The following CSGALNACT1 variants were observed in gnomAD, a reference collection of about 807,000 sequenced individuals.
The protein encoded by CSGALNACT1 is chondroitin sulfate N-acetylgalactosaminyltransferase 1.
A neutral mutation model predicts 51.0 loss-of-function variants in CSGALNACT1; 52 were observed. The observed-to-expected ratio is 1.02, with a 90% CI of 0.82 to 1.29. The LOEUF is 1.29. Among genes scored for constraint, CSGALNACT1 ranks in the 50% most tolerant of loss-of-function variants. CSGALNACT1 has a pLI of 0.00. For missense variants in CSGALNACT1, 935 were observed against 679.2 expected, an observed-to-expected ratio of 1.38 and a Z score of -4.19; for synonymous variants, 341 against 254.4, an observed-to-expected ratio of 1.34 and a Z score of -3.24.
intron 9 of CSGALNACT1, 45 bp from the exon 9 acceptor site, chr8:19,406,114 T>C: frequency 6.2e-7 from 1 of 1,611,866 alleles, no homozygotes. Context: ...CACTGATCTG[T>C]TTTGCTTCCC....
chr8:19,473,337 A>G (rs193126009), intron 4 of CSGALNACT1, among the ~76,000 whole-genome samples: 89 of 152,268 alleles, frequency 5.8e-4, no homozygotes, highest in African/African-American at 2.1e-3. Context: ...GCCCTTTGTC[A>G]CTTACCATGA....
chr8:19,571,502 G>C (rs1281853201), intron 3 of CSGALNACT1, among the ~76,000 whole-genome samples: 1 of 151,644 alleles, frequency 6.6e-6, no homozygotes, highest in Non-Finnish European at 1.5e-5. Flanking sequence ...CAGGGAAAGA[G>C]TCGCTGTCAG....
intron 8 of CSGALNACT1, among the ~76,000 whole-genome samples, chr8:19,415,620 A>C (rs2056717438): frequency 1.3e-5 from 2 of 152,232 alleles, no homozygotes; most frequent in African/African-American, 4.8e-5. Flanking sequence ...TGCAGGAATA[A>C]TAATACAAAG....
At chr8:19,524,719 G>A (rs2154038912) in intron 3 of CSGALNACT1, among the ~76,000 whole-genome samples, 1 of 152,224 alleles carries the variant, frequency 6.6e-6, no homozygotes, top group Middle Eastern at 3.4e-3. Flanking sequence ...AATGTGATAA[G>A]GTTTGTAAGC....
exon 4 of CSGALNACT1, chr8:19,506,109 G>T (rs1253222142): frequency 3.2e-6 from 2 of 631,752 alleles, no homozygotes; most frequent in Middle Eastern, 4.2e-4. Flanking sequence ...TTCCTGATGT[G>T]CAGCCAACAG....
chr8:19,611,096 G>A (rs2052194541), intron 1 of CSGALNACT1, among the ~76,000 whole-genome samples: 2 of 152,328 alleles, frequency 1.3e-5, no homozygotes, highest in South Asian at 2.1e-4. Context: ...GAAAAACAAG[G>A]CATAGTTAAA....
Position 19,596,424 on chromosome 8 carries a change from T to C in CSGALNACT1, c.-415-5146A>G, listed in dbSNP as rs150330161. Among the ~76,000 whole-genome samples, 65 of 152,246 alleles carry C rather than the reference T, an allele frequency of 4.3e-4. No individual in the cohort carries two copies. The East Asian group carries it at 0.011, about 27-fold the overall frequency. The stretch of plus-strand genomic sequence containing the variant: ...CCTGGAGTGTGTCACGCCCTCTGCT[T>C]GTGACAGAACAAACATTTCTGCTCT... On this transcript the variant is annotated intron_variant, in intron 2 of 9. Coordinates refer to ENST00000454498, the Ensembl canonical transcript of CSGALNACT1.
At chr8:19,663,110 C>G (rs2058900523) in intron 1 of CSGALNACT1, among the ~76,000 whole-genome samples, 1 of 152,120 alleles carries the variant, frequency 6.6e-6, no homozygotes, top group Non-Finnish European at 1.5e-5. Context: ...TCCACAATGC[C>G]CCAGATCCCT....
chr8:19,523,071 A>G (rs888699598), intron 3 of CSGALNACT1, among the ~76,000 whole-genome samples: 2 of 152,300 alleles, frequency 1.3e-5, no homozygotes, highest in East Asian at 1.9e-4. Context: ...AATTGCGGAC[A>G]TTACCACCAC....
At chr8:19,454,901 G>A (rs547553680) in intron 5 of CSGALNACT1, among the ~76,000 whole-genome samples, 1 of 152,100 alleles carries the variant, frequency 6.6e-6, no homozygotes, top group African/African-American at 2.4e-5. Flanking sequence ...TTTTCTTAAA[G>A]TTCAGCAAAT....
At chr8:19,616,715 T>A (rs1453171765) in intron 1 of CSGALNACT1, among the ~76,000 whole-genome samples, 1 of 152,086 alleles carries the variant, frequency 6.6e-6, no homozygotes, top group Admixed American at 6.6e-5. Context: ...ACTCTCACCA[T>A]GTGATGTATC....
chr8:19,597,542 G>C (rs111442163), intron 2 of CSGALNACT1, among the ~76,000 whole-genome samples: 236 of 152,128 alleles, frequency 1.6e-3, no homozygotes, highest in African/African-American at 5.5e-3. Flanking sequence ...CTGAGCTCAA[G>C]TGATCCTCCC....
chr8:19,405,466 G>A (rs1563235391), exon 10 of CSGALNACT1: 2 of 529,580 alleles, frequency 3.8e-6, no homozygotes, highest in Admixed American at 2.2e-5. Context: ...ATTTCAATGA[G>A]CACACAAAAC....
chr8:19,561,633 C>T (rs1182677979), intron 3 of CSGALNACT1, among the ~76,000 whole-genome samples: 1 of 152,216 alleles, frequency 6.6e-6, no homozygotes, highest in Non-Finnish European at 1.5e-5. Flanking sequence ...CCTTCTCTCC[C>T]TTTACAAGGG....
At chr8:19,540,708 G>A (rs977735867) in intron 3 of CSGALNACT1, among the ~76,000 whole-genome samples, 1 of 152,132 alleles carries the variant, frequency 6.6e-6, no homozygotes, top group African/African-American at 2.4e-5. Context: ...ATATGCTGTG[G>A]ATTTCTCAAT....
At chr8:19,579,534 A>G (rs986242842) in intron 3 of CSGALNACT1, among the ~76,000 whole-genome samples, 1 of 152,236 alleles carries the variant, frequency 6.6e-6, no homozygotes, top group African/African-American at 2.4e-5. Context: ...ACATGTAATT[A>G]TATAAAAATG....
chr8:19,417,161 T>G (rs2057051549), intron 8 of CSGALNACT1, among the ~76,000 whole-genome samples: 1 of 152,130 alleles, frequency 6.6e-6, no homozygotes, highest in Non-Finnish European at 1.5e-5. Context: ...AGCTGAAAAC[T>G]GATTCTTAAG....
chr8:19,515,539 A>C (rs113852735), intron 3 of CSGALNACT1, among the ~76,000 whole-genome samples: 2,480 of 152,344 alleles, frequency 0.016, 37 homozygotes, highest in Admixed American at 0.044. Context: ...GAATAAACAC[A>C]TAAGTGTAAA....
At chr8:19,711,794 G>A (rs1398113290) in intron 1 of CSGALNACT1, among the ~76,000 whole-genome samples, 3 of 151,976 alleles carry the variant, frequency 2.0e-5, no homozygotes, top group Non-Finnish European at 2.9e-5. Context: ...CCTCTTTGTC[G>A]TGGTGTCCCA....
Sources: allele counts gnomAD v4.1 joint callset (sites outside exome capture counted in the v4.1 genomes callset), GRCh38; gene constraint gnomAD v4.1.1; transcripts MANE v1.5; gene names NCBI Gene and HGNC (gene_info 2026-07-23, HGNC 2026-07-21).